The following DSP variants were observed in gnomAD, a reference collection of about 807,000 sequenced individuals.
DSP encodes 250/210 kDa paraneoplastic pemphigus antigen.
DSP carries 114 observed loss-of-function variants against 290.6 expected under a neutral mutation model. That is an observed-to-expected ratio of 0.39 (90% CI 0.34 to 0.46). The LOEUF is 0.46. DSP is among the 20% of genes least tolerant of loss of function. DSP has a pLI of 0.99. For synonymous variants in DSP, 1,311 were observed against 1,316.4 expected (o/e 1.00, Z 0.09); for missense variants, 3,230 against 3,495.8 (o/e 0.92, Z 1.92).
chr6:7,576,242 A>G (rs925784798), intron 18 of DSP, 52 bp from the exon 19 acceptor site: 4 of 1,589,732 alleles, frequency 2.5e-6, no homozygotes, highest in African/African-American at 2.7e-5. Flanking sequence ...TCTATGTTAC[A>G]TATTTTAGGA....
chr6:7,574,873 T>C (rs569848676), intron 17 of DSP, 78 bp downstream of exon 17: 42 of 1,599,316 alleles, frequency 2.6e-5, no homozygotes, highest in East Asian at 4.5e-5. Flanking sequence ...AAAGCCTCAC[T>C]GGGTTTTCAT....
intron 2 of DSP, among the ~76,000 whole-genome samples, chr6:7,557,895 A>G (rs912075330): frequency 1.3e-5 from 2 of 152,210 alleles, no homozygotes; most frequent in African/African-American, 4.8e-5. Context: ...GCATTCAGCA[A>G]ATGTGACTTT....
intron 1 of DSP, 42 bp downstream of exon 1, chr6:7,542,127 G>A (rs1364941996): frequency 6.5e-7 from 1 of 1,548,722 alleles, no homozygotes; most frequent in Admixed American, 2.0e-5. Context: ...GGGCTCGCGG[G>A]ACAGGGAGGG....
Position 7,584,074 on chromosome 6 carries a change from A to C in DSP, c.6812A>C (p.Lys2271Thr), listed in dbSNP as rs730880089. 2.5e-6 allele frequency: 4 copies of C among 1,614,140 alleles called. No individual in the cohort carries two copies. In the East Asian group the frequency reaches 6.7e-5, roughly 27 times the overall value. ...ATATACAATGAGACCACAAAACAGAAGCTTGGCATTTATGAGGCCATGAAA... is the reference window on the plus strand; with the variant it reads ...ATATACAATGAGACCACAAAACAGACGCTTGGCATTTATGAGGCCATGAAA... ...AGIYNETTKQ[K>T]LGIYEAMKIG... The change falls in exon 24 of 24, where the codon AAG (lysine) becomes ACG (threonine). Residue 2271 changes from lysine to threonine, a missense_variant. This residue lies in a region of DSP where 207 missense variants were observed against 281.2 expected (regional missense o/e 0.74). Coordinates refer to ENST00000379802, the MANE Select transcript of DSP (RefSeq NM_004415.4). This position sits in a 1 kb window ranked among gnomAD's most constrained non-coding sequence, Gnocchi z 6.4.
At chr6:7,545,866 C>T (rs549882808) in intron 1 of DSP, among the ~76,000 whole-genome samples, 44 of 152,330 alleles carry the variant, frequency 2.9e-4, no homozygotes, top group African/African-American at 9.9e-4. Flanking sequence ...GAAAAGTCTG[C>T]GAAGCCTGTG....
At chr6:7,577,958 C>T in intron 21 of DSP, 72 bp downstream of exon 21, 1 of 1,200,256 alleles carries the variant, frequency 8.3e-7, no homozygotes, top group Admixed American at 1.7e-5. Context: ...TGTCTCCTGC[C>T]TCTTCCCTTT....
Position 7,583,466 on chromosome 6 carries a change from T to C in DSP, c.6204T>C (p.Thr2068=), listed in dbSNP as rs1250614798. Residue 2068 remains threonine, a synonymous_variant, in exon 24 of 24, where the codon ACT becomes ACC. Coordinates refer to ENST00000379802, the MANE Select transcript of DSP (RefSeq NM_004415.4). This position sits in a 1 kb window ranked among gnomAD's most constrained non-coding sequence, Gnocchi z 4.0. The part of the protein sequence containing the change: ...IIDPHRNEKL[T]VDSAIARDLI... ...ATCCCCATCGGAATGAGAAGCTGACTGTCGACAGTGCCATAGCTCGGGACC... is the reference window on the plus strand; with the variant it reads ...ATCCCCATCGGAATGAGAAGCTGACCGTCGACAGTGCCATAGCTCGGGACC... 6.2e-7 allele frequency: 1 copy of C among 1,614,218 alleles called. No individual in the cohort carries two copies. The highest frequency in any genetic ancestry group is 8.5e-7 in the Non-Finnish European group (1 of 1,180,050).
Position 7,565,545 on chromosome 6 carries a change from G to A in DSP, c.939+25G>A, listed in dbSNP as rs749028057. ...CGTAAGTTCACCCCACGCGGCTGTA[G>A]ATGCTTGTCTTGAGCCTGTTGCCTT... On this transcript the variant is annotated intron_variant, in intron 7 of 23. Transcript: ENST00000379802. The surrounding 1 kb of genome is among the most constrained non-coding windows in gnomAD (Gnocchi z 4.2). 2.0e-5 allele frequency: 32 copies of A among 1,613,618 alleles called. No homozygotes were observed. The highest frequency in any genetic ancestry group is 2.7e-5 in the Non-Finnish European group (32 of 1,179,794).
rs761956943 is a variant in DSP, at chr6:7,586,576, T to G, written c.*698T>G. On this transcript the variant is annotated 3_prime_UTR_variant, in exon 24 of 24. Coordinates refer to ENST00000379802, the MANE Select transcript of DSP (RefSeq NM_004415.4). The stretch of plus-strand genomic sequence containing the variant: ...GCAATAAACTTTTAGACTTTTGAAG[T>G]GTTTGTGTTTTAATTTAATATGTTT... 3.9e-5 allele frequency: 6 copies of G among 152,264 alleles called. No individual in the cohort carries two copies. Among genetic ancestry groups the G allele is most frequent in the Non-Finnish European group, 5.9e-5 (4 of 68,050 alleles). The allele number at this position is 152,264 out of a possible 1,614,324, so 9.4% of individuals were successfully genotyped here. A position where few individuals can be genotyped will look rare whatever the true frequency, so the allele number is the denominator to read the frequency against.
At chr6:7,544,491 C>CTTTTTT (rs386406062) in intron 1 of DSP, among the ~76,000 whole-genome samples, 1 of 142,776 alleles carries the variant, frequency 7.0e-6, no homozygotes, top group African/African-American at 2.6e-5. Flanking sequence ...TTCTTTCTTT[C>CTTTTTT]TTTTTTTTTT....
rs1759395175 is a variant in DSP at position 7,580,536 on chromosome 6, T to C, written c.4346T>C (p.Val1449Ala). 6.2e-7 allele frequency: 1 copy of C among 1,613,286 alleles called. No individual in the cohort carries two copies. Among genetic ancestry groups the C allele is most frequent in the South Asian group, 1.1e-5 (1 of 91,024 alleles). The change falls in exon 23 of 24, where the codon GTT becomes GCT. Residue 1449 changes from valine to alanine, a missense_variant. Val to Ala is a moderately conservative substitution (Grantham distance 64). Transcript: ENST00000379802. This position sits in a 1 kb window ranked among gnomAD's most constrained non-coding sequence, Gnocchi z 4.2. ...EVSQRKQQLE[V>A]ELRQVTQMRT... ...TCTCAGAGGAAACAGCAGCTGGAGG[T>C]TGAGCTGAGACAAGTCACTCAGATG...
chr6:7,541,944 G>A lies in DSP; in HGVS notation c.29G>A (p.Arg10Gln). Residue 10 changes from arginine (R) to glutamine (Q), a missense_variant, in exon 1 of 24, where the codon CGG (arginine) becomes CAG (glutamine). Arg to Gln is a conservative substitution (Grantham distance 43). This residue lies in a region of DSP where 646 missense variants were observed against 684.3 expected (regional missense o/e 0.94). Coordinates refer to ENST00000379802, the MANE Select transcript of DSP (RefSeq NM_004415.4). MSCNGGSHPRINTLGRMIRA... is the reference protein window; with the variant it reads MSCNGGSHPQINTLGRMIRA... ...AGCTGCAACGGAGGCTCCCACCCGC[G>A]GATCAACACTCTGGGCCGCATGATC... 1 of 1,606,562 alleles carries A rather than the reference G, an allele frequency of 6.2e-7. No homozygotes were observed. Among genetic ancestry groups the A allele is most frequent in the Admixed American group, 1.7e-5 (1 of 59,556 alleles).
At position 7,571,930 on chromosome 6, in the gene DSP, A is replaced by G. The variant is rs759117503; in HGVS notation, c.1992A>G (p.Gln664=). 7 of 1,614,192 alleles carry G rather than the reference A, an allele frequency of 4.3e-6. No individual in the cohort carries two copies. In the South Asian group the frequency reaches 7.7e-5, roughly 18 times the overall value. Residue 664 remains glutamine (Q), a synonymous_variant, in exon 15 of 24, where the codon CAA becomes CAG. Transcript: ENST00000379802. The stretch of plus-strand genomic sequence containing the variant: ...AAACCAACAGAGAAAATGACAAGCA[A>G]GAAACATGGATGCTGATGGAGCTGC... ...VIETNRENDK[Q]ETWMLMELQK...
chr6:7,570,586 G>C (rs1181703471), intron 13 of DSP, 23 bp downstream of exon 13: 74 of 1,611,952 alleles, frequency 4.6e-5, no homozygotes, highest in Non-Finnish European at 6.1e-5. Context: ...GGCCACTTAG[G>C]CTGCCTGGAG....
intron 4 of DSP, 125 bp downstream of exon 4, chr6:7,559,525 T>C (rs1758618213): frequency 2.5e-6 from 3 of 1,210,556 alleles, no homozygotes; most frequent in Non-Finnish European, 3.6e-6. Flanking sequence ...GCTTGCTGTT[T>C]GCAGGATTTT....
intron 15 of DSP, among the ~76,000 whole-genome samples, chr6:7,573,437 G>T (rs922570152): frequency 3.9e-5 from 6 of 152,176 alleles, no homozygotes; most frequent in South Asian, 4.1e-4. Flanking sequence ...AATTAGCTGG[G>T]TGTGGTGGCG....
At chr6:7,573,261 G>A (rs1473821686) in intron 15 of DSP, among the ~76,000 whole-genome samples, 1 of 151,970 alleles carries the variant, frequency 6.6e-6, no homozygotes, top group Non-Finnish European at 1.5e-5. Flanking sequence ...CACACAGTGG[G>A]GTACTATTTA....
At chr6:7,578,641 T>C in intron 22 of DSP, 79 bp downstream of exon 22, 1 of 1,151,708 alleles carries the variant, frequency 8.7e-7, no homozygotes, top group East Asian at 2.4e-5. Context: ...CATTATAACA[T>C]GGATTTGGAC....
chr6:7,574,552 T>C, intron 16 of DSP, 105 bp from the exon 17 acceptor site: 1 of 1,525,170 alleles, frequency 6.6e-7, no homozygotes, highest in South Asian at 1.1e-5. Flanking sequence ...AATAAATTTT[T>C]ATCTGCTTTG....
Sources: gnomAD v4.1 joint callset for allele counts (sites outside exome capture counted in the v4.1 genomes callset) on GRCh38, gnomAD v4.1.1 for gene constraint, gnomAD v4.1.1 regional missense constraint, Gnocchi (gnomAD v3.1) non-coding constraint, MANE v1.5 for transcripts, NCBI Gene and HGNC (gene_info 2026-07-23, HGNC 2026-07-21) for gene names.